GRIK4: variants seen among roughly 807,000 people sequenced by gnomAD.
GRIK4 encodes glutamate receptor ionotropic, kainate 4.
GRIK4 carries 40 observed loss-of-function variants against 104.9 expected under a neutral mutation model. The ratio of observed to expected loss-of-function variants is 0.38; its 90% CI spans 0.30 to 0.50. The LOEUF is 0.50. Among genes scored for constraint, GRIK4 ranks in the 20% least tolerant of loss-of-function variants. The pLI is 0.93. For missense variants in GRIK4, 1,047 were observed against 1,308.1 expected, an observed-to-expected ratio of 0.80 and a Z score of 3.08; for synonymous variants, 485 against 524.9, an observed-to-expected ratio of 0.92 and a Z score of 1.04.
At chr11:120,806,675 A>T (rs11824329) in intron 4 of GRIK4, among the ~76,000 whole-genome samples, 5,139 of 152,294 alleles carry the variant, frequency 0.034, 287 homozygotes, top group African/African-American at 0.12. Flanking sequence ...AGTAACAGGG[A>T]TTTCAGAAAG....
Position 120,772,097 on chromosome 11 carries a change from G to T in GRIK4, c.83-30596G>T, listed in dbSNP as rs571599492. Among the ~76,000 whole-genome samples, 997 of 152,316 alleles carry T rather than the reference G, an allele frequency of 6.5e-3. 9 individuals carry two copies. Among genetic ancestry groups the T allele is most frequent in the African/African-American group, 0.022 (933 of 41,566 alleles). ...TTGGGGCAGGACCACTCAGAGCCTT[G>T]TGGGCTCAGCCTCTGCCCCAGTGTG... On this transcript the variant is annotated intron_variant, in intron 3 of 20. Coordinates refer to ENST00000527524, the MANE Select transcript of GRIK4 (RefSeq NM_014619.5).
intron 13 of GRIK4, among the ~76,000 whole-genome samples, chr11:120,929,235 G>A (rs1024895589): frequency 3.3e-5 from 5 of 152,142 alleles, no homozygotes; most frequent in Non-Finnish European, 7.3e-5. Context: ...TCTCCAGCCC[G>A]CGGCGGGTGG....
chr11:120,923,768 C>T (rs1451430585), intron 13 of GRIK4, among the ~76,000 whole-genome samples: 1 of 152,162 alleles, frequency 6.6e-6, no homozygotes, highest in African/African-American at 2.4e-5. Context: ...TGGTACCATT[C>T]ATACTTTACT....
intron 1 of GRIK4, among the ~76,000 whole-genome samples, chr11:120,610,046 G>A (rs1378206117): frequency 6.6e-6 from 1 of 152,114 alleles, no homozygotes; most frequent in Non-Finnish European, 1.5e-5. Context: ...TCCTCCTTGT[G>A]TGCATCCCTC....
intron 3 of GRIK4, among the ~76,000 whole-genome samples, chr11:120,703,517 C>T (rs748250574): frequency 4.6e-5 from 7 of 151,758 alleles, no homozygotes; most frequent in Non-Finnish European, 8.8e-5. Flanking sequence ...ACTGTCAGCC[C>T]AACCCAGGCT....
At chr11:120,563,333 G>C (rs1367588208) in intron 1 of GRIK4, among the ~76,000 whole-genome samples, 2 of 152,070 alleles carry the variant, frequency 1.3e-5, no homozygotes, top group African/African-American at 4.8e-5. Flanking sequence ...GGAACTATGG[G>C]ATCCAGCTTC....
chr11:120,528,320 C>A (rs1947882935), intron 1 of GRIK4, among the ~76,000 whole-genome samples: 1 of 151,976 alleles, frequency 6.6e-6, no homozygotes, highest in Non-Finnish European at 1.5e-5. Context: ...ACAGTGTTAG[C>A]CAGGATGGTC....
chr11:120,736,856 T>C (rs1035391880), intron 3 of GRIK4, among the ~76,000 whole-genome samples: 14 of 151,484 alleles, frequency 9.2e-5, no homozygotes, highest in Non-Finnish European at 1.8e-4. Flanking sequence ...GAGCCTCTTA[T>C]CCCCAGATGT....
chr11:120,689,654 C>T (rs1158748122), intron 3 of GRIK4, among the ~76,000 whole-genome samples: 1 of 152,124 alleles, frequency 6.6e-6, no homozygotes, highest in Non-Finnish European at 1.5e-5. Context: ...TACCCTTTAC[C>T]TCAGACCCAG....
intron 3 of GRIK4, among the ~76,000 whole-genome samples, chr11:120,794,848 G>C (rs1952479568): frequency 6.6e-6 from 1 of 152,168 alleles, no homozygotes; most frequent in Non-Finnish European, 1.5e-5. Flanking sequence ...GGTGCCCCAG[G>C]TGGGGACGAA....
At chr11:120,789,701 T>C (rs1298370061) in intron 3 of GRIK4, among the ~76,000 whole-genome samples, 1 of 152,076 alleles carries the variant, frequency 6.6e-6, no homozygotes, top group African/African-American at 2.4e-5. Flanking sequence ...TTCATGCTCT[T>C]TTCCTCCCAT....
At chr11:120,858,521 TAAAC>T (rs1954177236) in intron 8 of GRIK4, 1 of 152,210 alleles carries the variant, frequency 6.6e-6, no homozygotes, top group African/African-American at 2.4e-5. Context: ...AGTTCAGGGT[TAAAC>T]AAAATTAAAC....
intron 3 of GRIK4, among the ~76,000 whole-genome samples, chr11:120,712,475 C>T (rs781381445): frequency 1.3e-5 from 2 of 152,108 alleles, no homozygotes; most frequent in Non-Finnish European, 2.9e-5. Flanking sequence ...GTCACCCACC[C>T]TTCTGTGCTT....
intron 3 of GRIK4, among the ~76,000 whole-genome samples, chr11:120,745,048 C>T (rs1681623183): frequency 6.6e-6 from 1 of 152,058 alleles, no homozygotes; most frequent in Non-Finnish European, 1.5e-5. Flanking sequence ...GACTTGATGA[C>T]CGAGGGGAAT....
chr11:120,929,420 T>C (rs1378176383), intron 13 of GRIK4, among the ~76,000 whole-genome samples: 1 of 151,910 alleles, frequency 6.6e-6, no homozygotes, highest in African/African-American at 2.4e-5. Context: ...CCCCAGTGAG[T>C]CCTGGCAAGT....
chr11:120,751,382 T>C (rs193176831), intron 3 of GRIK4, among the ~76,000 whole-genome samples: 32 of 152,324 alleles, frequency 2.1e-4, no homozygotes, highest in African/African-American at 7.7e-4. Flanking sequence ...AATCCCAATT[T>C]GCATCTCATC....
intron 1 of GRIK4, among the ~76,000 whole-genome samples, chr11:120,539,741 C>T (rs1313794844): frequency 2.6e-5 from 4 of 152,214 alleles, no homozygotes; most frequent in Non-Finnish European, 4.4e-5. Flanking sequence ...AGCAAAACGC[C>T]TCCATTGGGG....
chr11:120,624,809 T>C (rs1949236115), intron 1 of GRIK4, among the ~76,000 whole-genome samples: 1 of 151,966 alleles, frequency 6.6e-6, no homozygotes, highest in Non-Finnish European at 1.5e-5. Context: ...TGCCTGCTGC[T>C]CCAGGAAAGG....
chr11:120,568,013 A>G (rs1248097753), intron 1 of GRIK4, among the ~76,000 whole-genome samples: 1 of 152,202 alleles, frequency 6.6e-6, no homozygotes. Flanking sequence ...CCCTGCCTCT[A>G]CAAAAAATAA....
Sources: allele counts gnomAD v4.1 joint callset (sites outside exome capture counted in the v4.1 genomes callset), GRCh38; gene constraint gnomAD v4.1.1; transcripts MANE v1.5; gene names NCBI Gene and HGNC (gene_info 2026-07-23, HGNC 2026-07-21).